The following PCDH7 variants were observed in gnomAD, a reference collection of about 807,000 sequenced individuals.
PCDH7 encodes protocadherin 7.
In PCDH7, 17 loss-of-function variants were observed where a neutral mutation model predicts 58.9. That is an observed-to-expected ratio of 0.29 (90% confidence interval 0.20 to 0.43). The LOEUF (loss-of-function observed/expected upper bound fraction) is 0.43, where lower values mean the gene tolerates loss of function less well. Ranked by LOEUF, PCDH7 falls within the 20% of genes least tolerant of loss-of-function variation. PCDH7 has a pLI of 1.00. For missense variants in PCDH7, 1,274 were observed against 1,441.0 expected (o/e 0.88, Z 1.88); for synonymous variants, 664 against 616.4 (o/e 1.08, Z -1.14).
chr4:30,791,736 A>G (rs182467700), intron 1 of PCDH7, among the ~76,000 whole-genome samples: 1 of 152,352 alleles, frequency 6.6e-6, no homozygotes, highest in African/African-American at 2.4e-5. Context: ...TTTTTCAGGC[A>G]TAGACAAGTG....
chr4:31,104,390 C>T (rs748758272), intron 3 of PCDH7, among the ~76,000 whole-genome samples: 11 of 152,142 alleles, frequency 7.2e-5, no homozygotes, highest in Non-Finnish European at 1.6e-4. Context: ...TTTTCTCATA[C>T]GCACCCCTTC....
intron 3 of PCDH7, among the ~76,000 whole-genome samples, chr4:31,139,388 A>C (rs1719985716): frequency 6.6e-6 from 1 of 152,238 alleles, no homozygotes; most frequent in African/African-American, 2.4e-5. Flanking sequence ...TTAAAACAAC[A>C]GTACTAAAGC....
Position 30,797,520 on chromosome 4 carries a change from C to T in PCDH7, c.70+72924C>T, listed in dbSNP as rs941232698. ...CGATTTCCTGACCTCGTGATCTGCC[C>T]GCCTCGGTCTCCCAAAGTGCTGGGA... On this transcript the variant is annotated intron_variant, in intron 1 of 3. Coordinates refer to the PCDH7 transcript ENST00000509759. Among the ~76,000 whole-genome samples the T allele has an allele frequency of 3.3e-5, 5 of 152,098 alleles. No homozygotes were observed. In the East Asian group the frequency reaches 9.6e-4, roughly 29 times the overall value.
At chr4:30,820,367 A>G (rs1438540022) in intron 1 of PCDH7, among the ~76,000 whole-genome samples, 1 of 152,150 alleles carries the variant, frequency 6.6e-6, no homozygotes, top group African/African-American at 2.4e-5. Flanking sequence ...CTCTAGGAAT[A>G]TGTAGGAAGT....
At chr4:30,938,578 AG>A (rs1295630900) in intron 2 of PCDH7, among the ~76,000 whole-genome samples, 5 of 152,010 alleles carry the variant, frequency 3.3e-5, no homozygotes, top group Non-Finnish European at 7.4e-5. Context: ...AAATATTTTG[AG>A]TAATAAATTA....
intron 1 of PCDH7, among the ~76,000 whole-genome samples, chr4:30,850,474 A>G (rs1007698169): frequency 6.6e-6 from 1 of 152,110 alleles, no homozygotes; most frequent in African/African-American, 2.4e-5. Context: ...ACTGACCTCC[A>G]GAGAACCTAA....
intron 1 of PCDH7, among the ~76,000 whole-genome samples, chr4:30,847,931 A>G (rs1732198716): frequency 6.6e-6 from 1 of 152,140 alleles, no homozygotes; most frequent in South Asian, 2.1e-4. Flanking sequence ...ATAAAGGTAG[A>G]CTATTAACTA....
chr4:30,920,634 A>C (rs1743078520), intron 2 of PCDH7, among the ~76,000 whole-genome samples: 1 of 152,204 alleles, frequency 6.6e-6, no homozygotes. Context: ...GCCCACTATG[A>C]AGGAAGCTAA....
chr4:30,779,840 A>G, intron 1 of PCDH7, among the ~76,000 whole-genome samples: 1 of 152,190 alleles, frequency 6.6e-6, no homozygotes, highest in East Asian at 1.9e-4. Context: ...TTTTAGGCAC[A>G]TGATTGCAAT....
intron 3 of PCDH7, among the ~76,000 whole-genome samples, chr4:31,031,714 T>G (rs959694260): frequency 6.6e-6 from 1 of 152,216 alleles, no homozygotes; most frequent in East Asian, 1.9e-4. Context: ...TTTTAAAAAT[T>G]TCTTTCCATC....
At chr4:31,049,079 A>C (rs1409858843) in intron 3 of PCDH7, among the ~76,000 whole-genome samples, 4 of 152,122 alleles carry the variant, frequency 2.6e-5, no homozygotes, top group Non-Finnish European at 5.9e-5. Flanking sequence ...TACATGTGCC[A>C]TGTTGATATG....
At chr4:31,111,712 T>C (rs990845071) in intron 3 of PCDH7, among the ~76,000 whole-genome samples, 3 of 152,180 alleles carry the variant, frequency 2.0e-5, no homozygotes, top group Non-Finnish European at 4.4e-5. Context: ...TAAGAACAAG[T>C]AGTTAGAAGA....
chr4:30,869,349 T>C lies in PCDH7; in HGVS notation c.71-50804T>C, dbSNP rs908603487. On this transcript the variant is annotated intron_variant, in intron 1 of 3. Coordinates refer to the PCDH7 transcript ENST00000509759. ...GGGCAGCACGTGCAGGTTTGTTACA[T>C]AGGTATACACGTGCCATGGTGGTTT... Among the ~76,000 whole-genome samples the C allele has an allele frequency of 2.0e-5, 3 of 152,102 alleles. No homozygotes were observed. The East Asian group carries it at 5.8e-4, about 29-fold the overall frequency.
intron 1 of PCDH7, among the ~76,000 whole-genome samples, chr4:30,876,367 A>G (rs572441151): frequency 1.3e-5 from 2 of 152,286 alleles, no homozygotes; most frequent in East Asian, 1.9e-4. Flanking sequence ...TTCTTGTGAT[A>G]TTACATTTTT....
intron 1 of PCDH7, among the ~76,000 whole-genome samples, chr4:30,856,109 A>G (rs1329276117): frequency 1.3e-5 from 2 of 152,074 alleles, no homozygotes; most frequent in African/African-American, 2.4e-5. Flanking sequence ...TCAGTTTTAA[A>G]CAAAATGTTT....
Position 30,855,605 on chromosome 4 carries a change from G to A in PCDH7, c.71-64548G>A, listed in dbSNP as rs192036599. Among the ~76,000 whole-genome samples the A allele has an allele frequency of 3.9e-5, 6 of 152,268 alleles. No homozygotes were observed. The East Asian group carries it at 5.8e-4, about 15-fold the overall frequency. On this transcript the variant is annotated intron_variant, in intron 1 of 3. Transcript: ENST00000509759. ...TACTCTATTGGCATCAAACAGGGTC[G>A]TATATCAATGCAAGTTAATTTCTTG...
intron 1 of PCDH7, among the ~76,000 whole-genome samples, chr4:30,885,731 G>T (rs1021643199): frequency 2.0e-5 from 3 of 152,018 alleles, no homozygotes; most frequent in Non-Finnish European, 2.9e-5. Context: ...ATACTACAAG[G>T]CTACAGTAAC....
intron 1 of PCDH7, among the ~76,000 whole-genome samples, chr4:30,752,386 A>G (rs1192802502): frequency 6.6e-6 from 1 of 152,134 alleles, no homozygotes; most frequent in African/African-American, 2.4e-5. Flanking sequence ...GAGCAGGTTC[A>G]TGGATGATTT....
In PCDH7 at chr4:30,722,003, A is replaced by G. The variant is rs190478911; in HGVS notation, c.581A>G (p.Glu194Gly). The G allele has an allele frequency of 7.1e-6, 9 of 1,275,436 alleles. No individual in the cohort carries two copies. The highest frequency in any genetic ancestry group is 1.6e-5 in the African/African-American group (1 of 64,308). 79.0% of individuals were successfully genotyped at this position (1,275,436 alleles called of 1,614,324 possible). A position where few individuals can be genotyped will look rare whatever the true frequency, so the allele number is the denominator to read the frequency against. The stretch of plus-strand genomic sequence containing the variant: ...CCCGGAGGCGGCGGCAGCGGCGGCG[A>G]GAGCCGGCGCGCCGGGGCGGCCGAC... Residue 194 changes from glutamate to glycine, a missense_variant, in exon 1 of 2, where the codon GAG (glutamate) becomes GGG (glycine). Coordinates refer to ENST00000361762, the Ensembl canonical transcript of PCDH7. This position sits in a 1 kb window ranked among gnomAD's most constrained non-coding sequence, Gnocchi z 7.6.
Sources: allele counts gnomAD v4.1 joint callset (sites outside exome capture counted in the v4.1 genomes callset), GRCh38; gene constraint gnomAD v4.1.1; non-coding constraint Gnocchi (gnomAD v3.1); transcripts MANE v1.5; gene names NCBI Gene and HGNC (gene_info 2026-07-23, HGNC 2026-07-21).